MNAT1: variants seen among roughly 807,000 people sequenced by gnomAD.
MNAT1 encodes the protein MNAT1 component of CDK activating kinase, also known as CDK-activating kinase assembly factor MAT1.
In MNAT1, 43 loss-of-function variants were observed where a neutral mutation model predicts 42.0. The ratio of observed to expected loss-of-function variants is 1.02; its 90% CI spans 0.80 to 1.32. The LOEUF is 1.32. Among genes scored for constraint, MNAT1 ranks in the 40% most tolerant of loss-of-function variants. MNAT1 has a pLI of 0.00. For missense variants in MNAT1, 306 were observed against 350.4 expected (o/e 0.87, Z 1.01); for synonymous variants, 118 against 120.0 (o/e 0.98, Z 0.11).
rs1468396836 is a variant in MNAT1 at position 60,952,302 on chromosome 14, A to G, written c.810-15927A>G. 2.0e-5 allele frequency among the ~76,000 whole-genome samples: 3 copies of G among 152,206 alleles called. 1 individual carries two copies. The highest frequency in any genetic ancestry group is 2.9e-5 in the Non-Finnish European group (2 of 68,020). Reference sequence around the variant, plus strand: ...CTAAGGAATTTGGACTTCATGCTACATATAGCAGGAATCCAATGAATGTCT... The same window carrying G: ...CTAAGGAATTTGGACTTCATGCTACGTATAGCAGGAATCCAATGAATGTCT... On this transcript the variant is annotated intron_variant, in intron 7 of 7. Transcript: ENST00000261245.
chr14:60,879,581 A>G (rs1391305763), intron 6 of MNAT1, 133 bp from the exon 7 acceptor site: 6 of 769,236 alleles, frequency 7.8e-6, no homozygotes, highest in Non-Finnish European at 1.2e-5. Context: ...AATGCATTGT[A>G]CCCATGGAAC....
chr14:60,815,646 T>A (rs1282131586), intron 5 of MNAT1, among the ~76,000 whole-genome samples: 1 of 152,244 alleles, frequency 6.6e-6, no homozygotes, highest in African/African-American at 2.4e-5. Context: ...GTGTGTAATC[T>A]GGAGTTAATA....
chr14:60,904,909 A>G (rs192995575), intron 7 of MNAT1, among the ~76,000 whole-genome samples: 8 of 151,258 alleles, frequency 5.3e-5, no homozygotes, highest in Non-Finnish European at 1.2e-4. Context: ...AATTGTCTCC[A>G]TTGGGAAATG....
rs191804456 is a variant in MNAT1, at chr14:60,861,304, A to G, written c.688-18410A>G. Reference sequence around the variant, plus strand: ...TTCAAACTCATGAACATTTACATGAATTCATTGGATATAGGGAGACTGTAT... The same window carrying G: ...TTCAAACTCATGAACATTTACATGAGTTCATTGGATATAGGGAGACTGTAT... On this transcript the variant is annotated intron_variant, in intron 6 of 7. Transcript: ENST00000261245. Among the ~76,000 whole-genome samples the G allele has an allele frequency of 4.7e-4, 72 of 152,318 alleles. 1 individual carries two copies. The highest frequency in any genetic ancestry group is 2.9e-3 in the Admixed American group (44 of 15,308).
intron 6 of MNAT1, among the ~76,000 whole-genome samples, chr14:60,877,409 T>C (rs1273685552): frequency 6.6e-6 from 1 of 152,074 alleles, no homozygotes; most frequent in Non-Finnish European, 1.5e-5. Flanking sequence ...GCAAGGATCT[T>C]CGATGGTTGT....
chr14:60,853,499 A>G (rs903196247), intron 6 of MNAT1, among the ~76,000 whole-genome samples: 1 of 152,190 alleles, frequency 6.6e-6, no homozygotes, highest in Non-Finnish European at 1.5e-5. Flanking sequence ...AAACAGAGAC[A>G]ATTTGACTTC....
chr14:60,914,253 C>T (rs2035460239), intron 7 of MNAT1, among the ~76,000 whole-genome samples: 1 of 152,222 alleles, frequency 6.6e-6, no homozygotes, highest in South Asian at 2.1e-4. Context: ...AAAGGGAATT[C>T]CCTGACCCCT....
chr14:60,913,835 C>T (rs757019261), intron 7 of MNAT1, among the ~76,000 whole-genome samples: 30 of 152,178 alleles, frequency 2.0e-4, no homozygotes, highest in Non-Finnish European at 4.0e-4. Context: ...GCTGGAAGAA[C>T]CACTACTCTC....
At chr14:60,823,439 G>GA (rs967552302) in intron 6 of MNAT1, among the ~76,000 whole-genome samples, 2 of 151,992 alleles carry the variant, frequency 1.3e-5, no homozygotes, top group South Asian at 2.1e-4. Flanking sequence ...ATTTGGAGAG[G>GA]AAAAAAAATT....
At chr14:60,941,236 T>A (rs2036153241) in intron 7 of MNAT1, among the ~76,000 whole-genome samples, 1 of 152,202 alleles carries the variant, frequency 6.6e-6, no homozygotes, top group Non-Finnish European at 1.5e-5. Flanking sequence ...GCTAGTCCAT[T>A]TTTCCCTTGA....
chr14:60,896,675 C>G (rs760811978), intron 7 of MNAT1, among the ~76,000 whole-genome samples: 14 of 151,972 alleles, frequency 9.2e-5, no homozygotes, highest in Non-Finnish European at 1.9e-4. Context: ...TTAGTAGAGA[C>G]GGGGTTTCAC....
chr14:60,861,071 G>T (rs1337555202), intron 6 of MNAT1, among the ~76,000 whole-genome samples: 1 of 151,990 alleles, frequency 6.6e-6, no homozygotes, highest in Non-Finnish European at 1.5e-5. Flanking sequence ...CATATTTAAT[G>T]AATCTTTTAT....
At chr14:60,795,486 A>G (rs1215046655) in intron 1 of MNAT1, among the ~76,000 whole-genome samples, 2 of 152,192 alleles carry the variant, frequency 1.3e-5, no homozygotes, top group Non-Finnish European at 2.9e-5. Flanking sequence ...GCCCTTCTTA[A>G]TGTTGCACTA....
At chr14:60,923,706 C>T (rs906527226) in intron 7 of MNAT1, among the ~76,000 whole-genome samples, 5 of 152,018 alleles carry the variant, frequency 3.3e-5, no homozygotes, top group Non-Finnish European at 7.4e-5. Context: ...TGGCATGGCA[C>T]GGTGGCTCAC....
chr14:60,881,785 G>T (rs150632841), intron 7 of MNAT1, among the ~76,000 whole-genome samples: 21 of 152,142 alleles, frequency 1.4e-4, no homozygotes, highest in Admixed American at 1.3e-3. Flanking sequence ...GTGTTACAAA[G>T]AATCCAATTA....
Position 60,793,158 on chromosome 14 carries a change from C to T in MNAT1, c.90-3059C>T, listed in dbSNP as rs564991308. ...TAGCTGGGACGCAAGCGTGTGCCAC[C>T]ATGCCCGGCTAATTTGTTGGTGTTG... is the stretch of plus-strand genomic sequence containing the variant. On this transcript the variant is annotated intron_variant, in intron 1 of 7. Transcript: ENST00000261245. 3.3e-5 allele frequency among the ~76,000 whole-genome samples: 5 copies of T among 151,970 alleles called. No individual in the cohort carries two copies. In the East Asian group the frequency reaches 9.7e-4, roughly 29 times the overall value.
intron 6 of MNAT1, among the ~76,000 whole-genome samples, chr14:60,860,454 G>A (rs1028345215): frequency 1.4e-5 from 2 of 147,328 alleles, no homozygotes; most frequent in Non-Finnish European, 3.0e-5. Flanking sequence ...CCAGGTTCAC[G>A]CCATTCTCTT....
chr14:60,793,338 A>C (rs2031890836), intron 1 of MNAT1, among the ~76,000 whole-genome samples: 1 of 151,812 alleles, frequency 6.6e-6, no homozygotes, highest in Non-Finnish European at 1.5e-5. Flanking sequence ...CACTGCACCC[A>C]GCCTATTTTT....
intron 1 of MNAT1, chr14:60,753,405 T>C (rs1446514403): frequency 6.6e-6 from 1 of 152,246 alleles, no homozygotes; most frequent in African/African-American, 2.4e-5. Flanking sequence ...GAGGGCTGAC[T>C]GTATTAAGCT....
Sources: gnomAD v4.1 joint callset for allele counts (sites outside exome capture counted in the v4.1 genomes callset) on GRCh38, gnomAD v4.1.1 for gene constraint, MANE v1.5 for transcripts, NCBI Gene and HGNC (gene_info 2026-07-23, HGNC 2026-07-21) for gene names.